Variants in BTBD8 observed in about 807,000 individuals in gnomAD.
BTBD8 encodes BTB/POZ domain-containing protein 8.
In BTBD8, 110 loss-of-function variants were observed where a neutral mutation model predicts 162.9. That is an observed-to-expected ratio of 0.68 (90% confidence interval 0.58 to 0.79). The LOEUF (loss-of-function observed/expected upper bound fraction) is 0.79, where lower values mean the gene tolerates loss of function less well. Among genes scored for constraint, BTBD8 ranks in the 30% least tolerant of loss-of-function variants. BTBD8 has a pLI of 0.00. For missense variants in BTBD8, 1,905 were observed against 2,085.4 expected (o/e 0.91, Z 1.68); for synonymous variants, 667 against 716.1 (o/e 0.93, Z 1.10).
chr1:92,158,579 T>G (rs1254445854), intron 9 of BTBD8, among the ~76,000 whole-genome samples: 1 of 152,204 alleles, frequency 6.6e-6, no homozygotes, highest in Non-Finnish European at 1.5e-5. Context: ...TCTTTAGTTA[T>G]AGTTATTTTT....
At chr1:92,126,690 T>C (rs1020148306) in intron 4 of BTBD8, among the ~76,000 whole-genome samples, 3 of 152,230 alleles carry the variant, frequency 2.0e-5, no homozygotes, top group African/African-American at 7.2e-5. Context: ...TGTTACTGCT[T>C]CATTTTGGGC....
At chr1:92,137,089 G>A (rs1202003550) in intron 5 of BTBD8, among the ~76,000 whole-genome samples, 1 of 152,132 alleles carries the variant, frequency 6.6e-6, no homozygotes, top group Admixed American at 6.6e-5. Context: ...ATAAGGAAGT[G>A]TAAGTAGCTC....
At chr1:92,129,640 A>T in intron 4 of BTBD8, 47 bp from the exon 5 acceptor site, 1 of 1,360,580 alleles carries the variant, frequency 7.3e-7, no homozygotes, top group Non-Finnish European at 1.0e-6. Context: ...TACATTTTGA[A>T]TAATATGTAA....
intron 9 of BTBD8, among the ~76,000 whole-genome samples, chr1:92,156,702 C>T (rs1287413070): frequency 6.6e-6 from 1 of 152,106 alleles, no homozygotes; most frequent in African/African-American, 2.4e-5. Flanking sequence ...TCCATTTCTT[C>T]TAGTTTACCT....
Position 92,088,855 on chromosome 1 carries a change from G to T in BTBD8, c.307G>T (p.Val103Leu). 6.2e-7 allele frequency: 1 copy of T among 1,612,572 alleles called. No homozygotes were observed. The highest frequency in any genetic ancestry group is 8.5e-7 in the Non-Finnish European group (1 of 1,179,194). The change falls in exon 2 of 18, where the codon GTG becomes TTG. Residue 103 changes from valine to leucine, a missense_variant. Val to Leu is a conservative substitution (Grantham distance 32). Transcript: ENST00000636805. ...TTTAACAAATCAGGAGCCTATTGCTGTGGAGAATGTTGAAGCTTTAGAATT... is the reference window on the plus strand; with the variant it reads ...TTTAACAAATCAGGAGCCTATTGCTTTGGAGAATGTTGAAGCTTTAGAATT... ...NSLTNQEPIA[V>L]ENVEALEFRT...
rs1289114577 is a variant in BTBD8, at chr1:92,080,406, T to C, written c.-166T>C. On this transcript the variant is annotated 5_prime_UTR_variant, in exon 1 of 18. Coordinates refer to ENST00000636805, the MANE Select transcript of BTBD8 (RefSeq NM_001376131.1). Reference sequence around the variant, plus strand: ...TGAGGCTCCCCACCGCGGTCCGGCTTCTCTGGGAGACTGTCTACAAACCGA... The same window carrying C: ...TGAGGCTCCCCACCGCGGTCCGGCTCCTCTGGGAGACTGTCTACAAACCGA... 23 of 1,019,530 alleles carry C rather than the reference T, an allele frequency of 2.3e-5. No individual in the cohort carries two copies. The Admixed American group carries it at 7.8e-4, about 34-fold the overall frequency. The allele number at this position is 1,019,530 out of a possible 1,614,324, so 63.2% of individuals were successfully genotyped here.
Position 92,080,503 on chromosome 1 carries a change from C to T in BTBD8, c.-69C>T, listed in dbSNP as rs1032953277. 4 of 1,581,004 alleles carry T rather than the reference C, an allele frequency of 2.5e-6. No homozygotes were observed. Among genetic ancestry groups the T allele is most frequent in the Non-Finnish European group, 3.4e-6 (4 of 1,169,356 alleles). On this transcript the variant is annotated 5_prime_UTR_variant, in exon 1 of 18. Transcript: ENST00000636805. ...CCGAGCGTTCGGTCGGAAACGCCCC[C>T]TTCTTCCTCCTGGGCGGGGCAAGTG...
At chr1:92,081,732 C>A (rs1453314262) in intron 1 of BTBD8, among the ~76,000 whole-genome samples, 1 of 152,180 alleles carries the variant, frequency 6.6e-6, no homozygotes, top group Non-Finnish European at 1.5e-5. Flanking sequence ...CGCCACCACG[C>A]CCGGCTAATT....
intron 3 of BTBD8, among the ~76,000 whole-genome samples, chr1:92,106,551 CTTGGGAGGCTGGGGCAGGAGA>C (rs1051162206): frequency 2.1e-5 from 3 of 143,958 alleles, no homozygotes; most frequent in African/African-American, 7.7e-5. Flanking sequence ...GTCCCAGCTA[CTTGGGAGGCTGGGGCAGGAGA>C]ATGGCATGAA....
intron 5 of BTBD8, among the ~76,000 whole-genome samples, chr1:92,131,231 T>C (rs904650687): frequency 3.3e-5 from 5 of 152,160 alleles, no homozygotes; most frequent in African/African-American, 1.2e-4. Flanking sequence ...TTATTAAGTG[T>C]ATAAAGAGAA....
At chr1:92,095,064 G>T (rs1490758892) in intron 2 of BTBD8, among the ~76,000 whole-genome samples, 1 of 152,140 alleles carries the variant, frequency 6.6e-6, no homozygotes, top group East Asian at 1.9e-4. Context: ...CCCCTCCCAG[G>T]TTCGCTAATT....
At chr1:92,175,295 A>T (rs1650676532) in intron 13 of BTBD8, among the ~76,000 whole-genome samples, 1 of 151,966 alleles carries the variant, frequency 6.6e-6, no homozygotes, top group Admixed American at 6.6e-5. Context: ...CCTGGCCAAC[A>T]TGGTGAAACC....
Position 92,182,110 on chromosome 1 carries a change from C to T in BTBD8, c.4427C>T (p.Ser1476Phe). The T allele has an allele frequency of 6.4e-7, 1 of 1,551,494 alleles. No individual in the cohort carries two copies. Among genetic ancestry groups the T allele is most frequent in the Non-Finnish European group, 8.7e-7 (1 of 1,146,902 alleles). The change falls in exon 17 of 18, where the codon TCT becomes TTT. Residue 1476 changes from serine (S) to phenylalanine (F), a missense_variant. This residue lies in a region of BTBD8 where 517 missense variants were observed against 606.6 expected (regional missense o/e 0.85). Transcript: ENST00000636805. The stretch of plus-strand genomic sequence containing the variant: ...CCTTCTGATGTTTTTGATGGCATTT[C>T]TCATGAACATCATGGAAGGACCTGC... ...FSPSDVFDGISHEHHGRTCYS... is the reference protein window; with the variant it reads ...FSPSDVFDGIFHEHHGRTCYS...
chr1:92,152,454 G>T (rs1650067602), intron 9 of BTBD8, among the ~76,000 whole-genome samples: 1 of 152,078 alleles, frequency 6.6e-6, no homozygotes, highest in South Asian at 2.1e-4. Context: ...AATAATAAGA[G>T]AATTAATTTG....
intron 9 of BTBD8, among the ~76,000 whole-genome samples, chr1:92,153,995 C>T (rs1201956475): frequency 6.6e-6 from 1 of 152,126 alleles, no homozygotes; most frequent in African/African-American, 2.4e-5. Flanking sequence ...GGTTTGGTGC[C>T]ATCCCCATGG....
At chr1:92,133,009 A>G (rs565651768) in intron 5 of BTBD8, among the ~76,000 whole-genome samples, 5 of 152,312 alleles carry the variant, frequency 3.3e-5, no homozygotes, top group East Asian at 3.9e-4. Context: ...GATTGTCTCA[A>G]ATTATTAGCA....
At chr1:92,122,572 G>A (rs1557447499) in intron 4 of BTBD8, among the ~76,000 whole-genome samples, 1 of 143,264 alleles carries the variant, frequency 7.0e-6, no homozygotes, top group Non-Finnish European at 1.5e-5. Context: ...TGTTTGTTTT[G>A]TTCTTTTTTT....
chr1:92,179,368 C>T (rs1012291444), intron 16 of BTBD8, among the ~76,000 whole-genome samples: 7 of 151,898 alleles, frequency 4.6e-5, no homozygotes, highest in African/African-American at 1.7e-4. Flanking sequence ...GTTCTGAAAA[C>T]GAAAAGAGTA....
chr1:92,153,755 A>G (rs989823258), intron 9 of BTBD8, among the ~76,000 whole-genome samples: 3 of 152,110 alleles, frequency 2.0e-5, no homozygotes, highest in Non-Finnish European at 4.4e-5. Context: ...CCATTTGTCT[A>G]TTGGTGGACA....
Sources: gnomAD v4.1 joint callset for allele counts (sites outside exome capture counted in the v4.1 genomes callset) on GRCh38, gnomAD v4.1.1 for gene constraint, gnomAD v4.1.1 regional missense constraint, MANE v1.5 for transcripts, NCBI Gene and HGNC (gene_info 2026-07-23, HGNC 2026-07-21) for gene names.